TBL1X: variants seen among roughly 807,000 people sequenced by gnomAD.
The protein encoded by TBL1X is F-box-like/WD repeat-containing protein TBL1X.
Under a neutral mutation model 50.7 loss-of-function variants are expected in TBL1X, and 10 were observed. The ratio of observed to expected loss-of-function variants is 0.20; its 90% confidence interval spans 0.12 to 0.33. The LOEUF is 0.33. TBL1X is among the 10% of genes least tolerant of loss of function. The probability of loss-of-function intolerance (pLI) is 1.00; values close to 1 mark genes in which losing one functional copy is unlikely to be tolerated. For missense variants in TBL1X, 340 were observed against 504.4 expected, an observed-to-expected ratio of 0.67 and a Z score of 3.12; for synonymous variants, 190 against 214.7, an observed-to-expected ratio of 0.88 and a Z score of 1.01.
chrX:9,558,294 G>C (rs2082309666), intron 2 of TBL1X, among the ~76,000 whole-genome samples: 2 of 112,104 alleles, frequency 1.8e-5, no homozygotes, highest in South Asian at 7.4e-4. Flanking sequence ...GAGGAGGGCA[G>C]ATCACCCAAG....
chrX:9,637,565 G>A (rs1408462998), intron 2 of TBL1X: 1 of 111,921 alleles, frequency 8.9e-6, no homozygotes, highest in Non-Finnish European at 1.9e-5. Context: ...TCCTGTTCGG[G>A]TAGAAAAGGT....
intron 2 of TBL1X, among the ~76,000 whole-genome samples, chrX:9,571,903 A>T (rs1258344349): frequency 8.9e-6 from 1 of 112,537 alleles, no homozygotes; most frequent in African/African-American, 3.2e-5. Flanking sequence ...GTATTGTAGC[A>T]TGTGACATAA....
Position 9,677,448 on chromosome X carries a change from C to T in TBL1X, c.212-6595C>T, listed in dbSNP as rs148627256. Among the ~76,000 whole-genome samples, 701 of 109,567 alleles carry T rather than the reference C, an allele frequency of 6.4e-3. 5 individuals are homozygous for T. The highest frequency in any genetic ancestry group is 0.015 in the African/African-American group (466 of 30,102). On this transcript the variant is annotated intron_variant, in intron 5 of 17. Coordinates refer to ENST00000645353, the MANE Select transcript of TBL1X (RefSeq NM_005647.4). ...ATTGATCATAGAGCTAGACCAACAA[C>T]CAAAGTTGTTTACCTCTCATAAGGT...
chrX:9,603,603 G>A (rs747939308), intron 2 of TBL1X, among the ~76,000 whole-genome samples: 3 of 111,870 alleles, frequency 2.7e-5, no homozygotes, highest in Admixed American at 9.4e-5. Context: ...CAGGACTAGA[G>A]CTCAGTAGAG....
chrX:9,636,839 G>C (rs1429291471), intron 2 of TBL1X: 2 of 112,280 alleles, frequency 1.8e-5, no homozygotes, highest in Non-Finnish European at 3.8e-5. Flanking sequence ...ATTGAAAAGT[G>C]ATGTACAGGA....
chrX:9,491,306 TTATATATATATATATATATA>T (rs757466880), intron 1 of TBL1X, among the ~76,000 whole-genome samples: 1 of 51,911 alleles, frequency 1.9e-5, no homozygotes, highest in Non-Finnish European at 3.3e-5. Flanking sequence ...GCCAGTATAT[TTATATATATATATATATATA>T]TATATATATA....
chrX:9,585,555 G>A (rs1182425024), intron 2 of TBL1X, among the ~76,000 whole-genome samples: 2 of 111,108 alleles, frequency 1.8e-5, no homozygotes, highest in Non-Finnish European at 3.8e-5. Flanking sequence ...GCAAGGGACT[G>A]GGTTCGTTCC....
intron 6 of TBL1X, 41 bp from the exon 7 acceptor site, chrX:9,687,976 C>T: frequency 8.5e-7 from 1 of 1,172,895 alleles, no homozygotes; most frequent in East Asian, 3.0e-5. Flanking sequence ...AGAGCCCTCA[C>T]CCCCGTGAGC....
intron 2 of TBL1X, among the ~76,000 whole-genome samples, chrX:9,570,318 C>G (rs1041389954): frequency 8.9e-6 from 1 of 112,005 alleles, no homozygotes; most frequent in Non-Finnish European, 1.9e-5. Flanking sequence ...CCTGCTTTCT[C>G]CAGAAAAGCT....
At chrX:9,596,213 T>C (rs1410797911) in intron 2 of TBL1X, among the ~76,000 whole-genome samples, 2 of 112,303 alleles carry the variant, frequency 1.8e-5, no homozygotes, top group Non-Finnish European at 3.8e-5. Context: ...AGATGTAAAG[T>C]CTTTTTAAAA....
chrX:9,682,071 T>A (rs2083028716), intron 5 of TBL1X, among the ~76,000 whole-genome samples: 1 of 112,567 alleles, frequency 8.9e-6, no homozygotes, highest in African/African-American at 3.2e-5. Context: ...ATCCATTGAC[T>A]GGGGTTTTTC....
chrX:9,541,587 G>GAC (rs924486152), intron 2 of TBL1X, among the ~76,000 whole-genome samples: 1 of 112,779 alleles, frequency 8.9e-6, no homozygotes, highest in African/African-American at 3.2e-5. Flanking sequence ...TGGTGGCCTG[G>GAC]ACACCATCAC....
intron 2 of TBL1X, among the ~76,000 whole-genome samples, chrX:9,621,261 G>GT (rs2082665490): frequency 8.9e-6 from 1 of 111,868 alleles, no homozygotes; most frequent in African/African-American, 3.3e-5. Flanking sequence ...CCATGGCGGT[G>GT]TAGTCAGCGA....
intron 5 of TBL1X, among the ~76,000 whole-genome samples, chrX:9,667,799 A>G (rs931446100): frequency 8.9e-6 from 1 of 111,760 alleles, no homozygotes; most frequent in African/African-American, 3.2e-5. Flanking sequence ...CAAAGTAAAG[A>G]TTTTTTCCTT....
At chrX:9,535,495 C>G (rs187907613) in intron 2 of TBL1X, among the ~76,000 whole-genome samples, 9 of 112,295 alleles carry the variant, frequency 8.0e-5, no homozygotes, top group Non-Finnish European at 1.7e-4. Context: ...CATACCTGAT[C>G]GTGAAAGTCT....
intron 2 of TBL1X, among the ~76,000 whole-genome samples, chrX:9,511,220 G>C (rs758631820): frequency 1.8e-5 from 2 of 112,525 alleles, no homozygotes; most frequent in Non-Finnish European, 3.7e-5. Context: ...AACTGTAAAA[G>C]CCAAGAGGGC....
At chrX:9,590,503 T>A (rs1416495817) in intron 2 of TBL1X, among the ~76,000 whole-genome samples, 1 of 111,936 alleles carries the variant, frequency 8.9e-6, no homozygotes, top group Non-Finnish European at 1.9e-5. Context: ...TAGTAAAGGA[T>A]GTGGATCAAA....
chrX:9,710,231 AAAAAAC>A (rs1569107419), intron 15 of TBL1X, among the ~76,000 whole-genome samples: 1 of 90,170 alleles, frequency 1.1e-5, no homozygotes, highest in African/African-American at 4.4e-5. Flanking sequence ...AAAAAAAAAA[AAAAAAC>A]AGAAGAAGAA....
At chrX:9,522,549 C>A in intron 2 of TBL1X, among the ~76,000 whole-genome samples, 1 of 111,445 alleles carries the variant, frequency 9.0e-6, no homozygotes. Flanking sequence ...AGAACAGGGC[C>A]CGTGCTCACG....
Sources: gnomAD v4.1 joint callset for allele counts (sites outside exome capture counted in the v4.1 genomes callset) on GRCh38, gnomAD v4.1.1 for gene constraint, MANE v1.5 for transcripts, NCBI Gene and HGNC (gene_info 2026-07-23, HGNC 2026-07-21) for gene names.